Variants in TULP4 observed in about 807,000 individuals in gnomAD.
The protein encoded by TULP4 is tubby-related protein 4.
A neutral mutation model predicts 129.0 loss-of-function variants in TULP4; 16 were observed. The ratio of observed to expected loss-of-function variants is 0.12; its 90% CI spans 0.08 to 0.19. TULP4 has a LOEUF of 0.19. TULP4 is among the 10% of genes least tolerant of loss of function. TULP4 has a pLI of 1.00. For missense variants in TULP4, 1,842 were observed against 2,059.1 expected, an observed-to-expected ratio of 0.89 and a Z score of 2.04; for synonymous variants, 998 against 854.0, an observed-to-expected ratio of 1.17 and a Z score of -2.94.
chr6:158,295,374 T>G (rs890526904), intron 1 of TULP4, among the ~76,000 whole-genome samples: 18 of 152,176 alleles, frequency 1.2e-4, no homozygotes, highest in Non-Finnish European at 2.2e-4. Flanking sequence ...AAAAACTTCC[T>G]TACTAATTTT....
At position 158,501,973 on chromosome 6, in the gene TULP4, C is replaced by T. The variant is rs199925426; in HGVS notation, c.2310C>T (p.Pro770=). The change falls in exon 13 of 14, where the codon CCC becomes CCT. Residue 770 remains proline, a synonymous_variant. Coordinates refer to ENST00000367097, the MANE Select transcript of TULP4 (RefSeq NM_020245.5). ...AAATGGGCCGCATCATTCAGAACCC[C>T]CCTCCACTGTCCCTGCCTCCCCCGC... ...SVEMGRIIQN[P]PPLSLPPPPQ... 1.9e-6 allele frequency: 3 copies of T among 1,613,784 alleles called. No individual in the cohort carries two copies. In the East Asian group the frequency reaches 6.7e-5, roughly 36 times the overall value.
At chr6:158,246,337 A>T (rs536064357) in intron 1 of TULP4, among the ~76,000 whole-genome samples, 1 of 151,904 alleles carries the variant, frequency 6.6e-6, no homozygotes, top group Non-Finnish European at 1.5e-5. Context: ...AAAATACAAA[A>T]AAGGATTAGC....
chr6:158,299,237 A>G (rs1056061974), intron 1 of TULP4, among the ~76,000 whole-genome samples: 9 of 152,152 alleles, frequency 5.9e-5, no homozygotes, highest in African/African-American at 2.2e-4. Flanking sequence ...TCCCAATAAG[A>G]AATATAAAAT....
At chr6:158,288,662 A>G (rs913260405) in intron 1 of TULP4, among the ~76,000 whole-genome samples, 1 of 151,982 alleles carries the variant, frequency 6.6e-6, no homozygotes, top group Non-Finnish European at 1.5e-5. Context: ...CACCACGCCC[A>G]GCTAATTTTT....
intron 1 of TULP4, among the ~76,000 whole-genome samples, chr6:158,305,476 G>C (rs1315035133): frequency 6.6e-6 from 1 of 151,480 alleles, no homozygotes; most frequent in Non-Finnish European, 1.5e-5. Flanking sequence ...GAGGTGGGAA[G>C]ATTGCCTGAG....
At chr6:158,280,746 G>A (rs1158636263), upstream of TULP4, among the ~76,000 whole-genome samples, 3 of 152,328 alleles carry the variant, frequency 2.0e-5, no homozygotes, top group African/African-American at 7.2e-5. Flanking sequence ...TTTGAAAGGT[G>A]CACTCTTTTA....
intron 6 of TULP4, 43 bp from the exon 7 acceptor site, chr6:158,479,706 CAA>C (rs757752997): frequency 6.3e-7 from 1 of 1,576,870 alleles, no homozygotes; most frequent in South Asian, 1.1e-5. Context: ...TTGCTTCCCA[CAA>C]GAGCAAAAGC....
intron 3 of TULP4, among the ~76,000 whole-genome samples, chr6:158,447,214 G>C (rs1413241121): frequency 6.6e-6 from 1 of 152,188 alleles, no homozygotes; most frequent in Non-Finnish European, 1.5e-5. Context: ...GCAGGTCCGT[G>C]ACCCATGCTC....
upstream of TULP4, among the ~76,000 whole-genome samples, chr6:158,277,776 A>G (rs925447352): frequency 5.3e-5 from 8 of 152,182 alleles, no homozygotes; most frequent in South Asian, 4.1e-4. Context: ...ACTTCTTGAG[A>G]TGATGTCCTT....
rs529731694 is a variant in TULP4, at chr6:158,296,242, GC to G, written n.116+13866del. On this transcript the variant is annotated intron_variant and non_coding_transcript_variant, in intron 1 of 1. Coordinates refer to the TULP4 transcript ENST00000432358. ...TCCCTTTTCCTCATGGCTCACTGTA[GC>G]CTCGATTTCCTGGGCTCAAGCAATC... Among the ~76,000 whole-genome samples, 33 of 150,788 alleles carry G rather than the reference GC, an allele frequency of 2.2e-4. No homozygotes were observed. In the South Asian group the frequency reaches 3.7e-3, roughly 17 times the overall value.
intron 1 of TULP4, among the ~76,000 whole-genome samples, chr6:158,339,155 G>T (rs912864029): frequency 3.3e-5 from 5 of 152,154 alleles, no homozygotes; most frequent in Admixed American, 6.5e-5. Flanking sequence ...ACAAAAGAGA[G>T]AAATTTTAAA....
At chr6:158,427,684 G>A (rs965940895) in intron 2 of TULP4, among the ~76,000 whole-genome samples, 6 of 151,712 alleles carry the variant, frequency 4.0e-5, no homozygotes, top group Non-Finnish European at 7.4e-5. Flanking sequence ...AGTAGAAACA[G>A]GGTTTCACCA....
chr6:158,320,870 C>G (rs751740880), intron 1 of TULP4, among the ~76,000 whole-genome samples: 3 of 152,196 alleles, frequency 2.0e-5, no homozygotes, highest in Non-Finnish European at 2.9e-5. Context: ...GATATGCTTT[C>G]TCTGACCCTG....
chr6:158,291,161 T>C (rs865858532), intron 1 of TULP4, among the ~76,000 whole-genome samples: 1 of 152,252 alleles, frequency 6.6e-6, no homozygotes, highest in East Asian at 1.9e-4. Context: ...AATTTCTTTT[T>C]TCGTTGTTTC....
chr6:158,246,509 T>TA (rs1778034320), intron 1 of TULP4, among the ~76,000 whole-genome samples: 1 of 150,320 alleles, frequency 6.7e-6, no homozygotes, highest in Admixed American at 6.7e-5. Flanking sequence ...AAAAAAAAAT[T>TA]AAATACATTA....
chr6:158,486,248 G>T (rs1479810336), intron 8 of TULP4, among the ~76,000 whole-genome samples: 1 of 152,006 alleles, frequency 6.6e-6, no homozygotes, highest in African/African-American at 2.4e-5. Flanking sequence ...TCTTAAGGGA[G>T]GTCCTAATCT....
chr6:158,246,334 A>G (rs1161473804), intron 1 of TULP4, among the ~76,000 whole-genome samples: 2 of 151,988 alleles, frequency 1.3e-5, no homozygotes, highest in African/African-American at 4.8e-5. Context: ...CTAAAAATAC[A>G]AAAAAGGATT....
At chr6:158,374,511 G>A (rs1777142997) in intron 1 of TULP4, among the ~76,000 whole-genome samples, 1 of 152,186 alleles carries the variant, frequency 6.6e-6, no homozygotes, top group Admixed American at 6.5e-5. Context: ...CTTGTCACAG[G>A]AATAGAAGAG....
intron 1 of TULP4, among the ~76,000 whole-genome samples, chr6:158,349,170 G>A (rs568849551): frequency 4.1e-5 from 6 of 144,786 alleles, no homozygotes; most frequent in East Asian, 4.1e-4. Context: ...CTTCCCACAC[G>A]GGGCGGCTGC....
Sources: allele counts gnomAD v4.1 joint callset (sites outside exome capture counted in the v4.1 genomes callset), GRCh38; gene constraint gnomAD v4.1.1; transcripts MANE v1.5; gene names NCBI Gene and HGNC (gene_info 2026-07-23, HGNC 2026-07-21).